MDGA2: variants seen among roughly 807,000 people sequenced by gnomAD.
MDGA2 encodes the protein MAM domain-containing glycosylphosphatidylinositol anchor protein 2.
MDGA2 carries 40 observed loss-of-function variants against 117.8 expected under a neutral mutation model. That is an observed-to-expected ratio of 0.34 (90% CI 0.26 to 0.44). The LOEUF is 0.44. Among genes scored for constraint, MDGA2 ranks in the 20% least tolerant of loss-of-function variants. The pLI, the probability that MDGA2 is intolerant of heterozygous loss-of-function variation, is 1.00. For synonymous variants in MDGA2, 452 were observed against 439.0 expected (o/e 1.03, Z -0.37); for missense variants, 1,123 against 1,250.6 (o/e 0.90, Z 1.54).
chr14:46,899,988 G>A (rs1251147449), intron 10 of MDGA2, among the ~76,000 whole-genome samples: 1 of 151,948 alleles, frequency 6.6e-6, no homozygotes, highest in African/African-American at 2.4e-5. Flanking sequence ...AATAAACAAA[G>A]TAGTCACTAC....
At chr14:46,865,189 T>C (rs955758358) in intron 14 of MDGA2, among the ~76,000 whole-genome samples, 1 of 152,106 alleles carries the variant, frequency 6.6e-6, no homozygotes, top group African/African-American at 2.4e-5. Context: ...GCTTTCTCAA[T>C]ATCTTGTATA....
chr14:47,563,866 T>C (rs1045658685), intron 1 of MDGA2, among the ~76,000 whole-genome samples: 2 of 152,132 alleles, frequency 1.3e-5, no homozygotes, highest in East Asian at 3.9e-4. Flanking sequence ...GTTTATGTAC[T>C]GTATGTGTTT....
intron 8 of MDGA2, among the ~76,000 whole-genome samples, chr14:47,023,021 C>T (rs1888342344): frequency 1.3e-5 from 2 of 151,866 alleles, no homozygotes. Flanking sequence ...GACAAAGGGG[C>T]AAGCTTTTTC....
At chr14:47,413,304 T>A (rs1330217880) in intron 1 of MDGA2, among the ~76,000 whole-genome samples, 1 of 152,182 alleles carries the variant, frequency 6.6e-6, no homozygotes, top group Non-Finnish European at 1.5e-5. Context: ...TAAGAGCATG[T>A]CCTTTAATAA....
chr14:47,148,456 C>T (rs530757095), intron 3 of MDGA2, among the ~76,000 whole-genome samples: 1 of 152,270 alleles, frequency 6.6e-6, no homozygotes, highest in African/African-American at 2.4e-5. Context: ...CTCTGTAAGA[C>T]TCAATTGCCC....
chr14:47,313,736 G>C (rs1054006647), intron 1 of MDGA2, among the ~76,000 whole-genome samples: 1 of 152,070 alleles, frequency 6.6e-6, no homozygotes, highest in Non-Finnish European at 1.5e-5. Context: ...ATAATGAATT[G>C]GTTACCCTAA....
intron 5 of MDGA2, among the ~76,000 whole-genome samples, chr14:47,108,580 C>T (rs908124389): frequency 1.9e-4 from 29 of 152,310 alleles, no homozygotes; most frequent in African/African-American, 6.5e-4. Flanking sequence ...CTCCTACCCG[C>T]CAGAGAACAA....
At chr14:47,210,743 C>T (rs1885850909) in intron 3 of MDGA2, among the ~76,000 whole-genome samples, 1 of 152,124 alleles carries the variant, frequency 6.6e-6, no homozygotes, top group Non-Finnish European at 1.5e-5. Context: ...AGGGGCTGGG[C>T]ACAAGTGGCT....
chr14:47,076,800 AC>A (rs1437688196), intron 6 of MDGA2, among the ~76,000 whole-genome samples: 1 of 151,922 alleles, frequency 6.6e-6, no homozygotes, highest in Non-Finnish European at 1.5e-5. Context: ...TCTTGAATCC[AC>A]CCCCTTGACT....
intron 1 of MDGA2, among the ~76,000 whole-genome samples, chr14:47,482,990 AT>A (rs1237218192): frequency 6.6e-6 from 1 of 151,776 alleles, no homozygotes; most frequent in Admixed American, 6.6e-5. Flanking sequence ...TAATGCACTT[AT>A]TTTTCCTGTT....
At chr14:47,213,292 G>A (rs1487375056) in intron 3 of MDGA2, among the ~76,000 whole-genome samples, 3 of 152,004 alleles carry the variant, frequency 2.0e-5, no homozygotes, top group Admixed American at 6.6e-5. Context: ...TCCATTGTGC[G>A]GACCTGTGCC....
intron 1 of MDGA2, among the ~76,000 whole-genome samples, chr14:47,347,072 A>T (rs1032684195): frequency 1.3e-5 from 2 of 152,196 alleles, no homozygotes; most frequent in Non-Finnish European, 2.9e-5. Flanking sequence ...GCTGCTTCTA[A>T]AGTATATAAA....
chr14:47,029,651 A>G (rs1446487922), intron 8 of MDGA2, among the ~76,000 whole-genome samples: 1 of 152,172 alleles, frequency 6.6e-6, no homozygotes, highest in African/African-American at 2.4e-5. Context: ...AAAGACTTTA[A>G]TAGCGCTTTG....
chr14:47,285,657 A>T (rs1888646352), intron 2 of MDGA2, among the ~76,000 whole-genome samples: 1 of 152,090 alleles, frequency 6.6e-6, no homozygotes. Flanking sequence ...TGGGTAGTAA[A>T]ATAAGAAGAC....
chr14:47,033,618 G>GA (rs1888738941), intron 8 of MDGA2, among the ~76,000 whole-genome samples: 1 of 152,116 alleles, frequency 6.6e-6, no homozygotes, highest in African/African-American at 2.4e-5. Flanking sequence ...AGGCCAGTGA[G>GA]AAAAAGGCAA....
chr14:46,881,250 A>C (rs907014475), intron 11 of MDGA2, among the ~76,000 whole-genome samples: 1 of 152,172 alleles, frequency 6.6e-6, no homozygotes, highest in African/African-American at 2.4e-5. Context: ...AAGTGAAATA[A>C]GGCAGTCTAA....
At chr14:47,105,265 C>G (rs868628693) in intron 5 of MDGA2, among the ~76,000 whole-genome samples, 1 of 152,112 alleles carries the variant, frequency 6.6e-6, no homozygotes, top group African/African-American at 2.4e-5. Flanking sequence ...AACCTCTTAT[C>G]TCTGTGCCCC....
intron 1 of MDGA2, among the ~76,000 whole-genome samples, chr14:47,369,685 T>A (rs1301048226): frequency 6.6e-6 from 1 of 152,132 alleles, no homozygotes; most frequent in Non-Finnish European, 1.5e-5. Flanking sequence ...AAAATATGAT[T>A]TTTTCCCATC....
At chr14:47,185,548 T>C (rs2139385990) in intron 3 of MDGA2, among the ~76,000 whole-genome samples, 1 of 151,590 alleles carries the variant, frequency 6.6e-6, no homozygotes, top group Admixed American at 6.6e-5. Context: ...AAGACATGAA[T>C]AGAATTATAA....
Sources: gnomAD v4.1 joint callset for allele counts (sites outside exome capture counted in the v4.1 genomes callset) on GRCh38, gnomAD v4.1.1 for gene constraint, MANE v1.5 for transcripts, NCBI Gene and HGNC (gene_info 2026-07-23, HGNC 2026-07-21) for gene names.